ST3GAL3: variants seen among roughly 807,000 people sequenced by gnomAD.
ST3GAL3 encodes the protein ST3 beta-galactoside alpha-2,3-sialyltransferase 3.
In ST3GAL3, 21 loss-of-function variants were observed where a neutral mutation model predicts 50.1. The observed-to-expected ratio is 0.42, with a 90% CI of 0.30 to 0.60. The LOEUF (loss-of-function observed/expected upper bound fraction) is 0.60, where lower values mean the gene tolerates loss of function less well. ST3GAL3 is among the 20% of genes least tolerant of loss of function. The pLI, the probability that ST3GAL3 is intolerant of heterozygous loss-of-function variation, is 0.19. For synonymous variants in ST3GAL3, 183 were observed against 190.0 expected, an observed-to-expected ratio of 0.96 and a Z score of 0.30; for missense variants, 353 against 489.4, an observed-to-expected ratio of 0.72 and a Z score of 2.63.
In ST3GAL3 at chr1:43,894,491, C is replaced by G; in HGVS notation, c.397+14C>G. 2 of 1,611,034 alleles carry G rather than the reference C, an allele frequency of 1.2e-6. No individual in the cohort carries two copies. Among genetic ancestry groups the G allele is most frequent in the Non-Finnish European group, 1.7e-6 (2 of 1,177,262 alleles). On this transcript the variant is annotated intron_variant, in intron 6 of 11. Coordinates refer to ENST00000347631, the MANE Select transcript of ST3GAL3 (RefSeq NM_006279.5). ...TCAAAGGTCAAGGTATGTTGGGAACCCTGACCTACATTAACATCTCATCCC... is the reference window on the plus strand; with the variant it reads ...TCAAAGGTCAAGGTATGTTGGGAACGCTGACCTACATTAACATCTCATCCC...
intron 1 of ST3GAL3, among the ~76,000 whole-genome samples, chr1:43,728,447 G>C (rs373523869): frequency 6.6e-6 from 1 of 152,306 alleles, no homozygotes; most frequent in East Asian, 1.9e-4. Context: ...CAGAGCTAAA[G>C]AGTTATATGT....
chr1:43,809,412 A>C (rs1163238407), intron 3 of ST3GAL3, among the ~76,000 whole-genome samples: 3 of 152,224 alleles, frequency 2.0e-5, no homozygotes, highest in African/African-American at 7.2e-5. Context: ...AAAATGAAAC[A>C]GAGTGAGGGC....
intron 3 of ST3GAL3, among the ~76,000 whole-genome samples, chr1:43,802,843 C>T (rs1245951542): frequency 6.6e-6 from 1 of 152,160 alleles, no homozygotes; most frequent in Non-Finnish European, 1.5e-5. Flanking sequence ...AAATGTTATT[C>T]CATGCAATAG....
intron 1 of ST3GAL3, among the ~76,000 whole-genome samples, chr1:43,732,905 T>G (rs925887598): frequency 6.6e-6 from 1 of 152,186 alleles, no homozygotes; most frequent in African/African-American, 2.4e-5. Flanking sequence ...CAATTTACAT[T>G]TCTACAATGT....
chr1:43,843,160 A>G (rs2065689717), intron 5 of ST3GAL3, among the ~76,000 whole-genome samples: 4 of 152,224 alleles, frequency 2.6e-5, no homozygotes, highest in Admixed American at 2.0e-4. Context: ...GCCTGTTCCC[A>G]GTCTTAGGAG....
At chr1:43,850,888 G>T in intron 5 of ST3GAL3, 1 of 1,254,618 alleles carries the variant, frequency 8.0e-7, no homozygotes, top group Non-Finnish European at 1.2e-6. Context: ...AGAGACTCCA[G>T]GTTGTACAGA....
At chr1:43,904,012 A>AT (rs950807269) in intron 9 of ST3GAL3, among the ~76,000 whole-genome samples, 1 of 152,118 alleles carries the variant, frequency 6.6e-6, no homozygotes, top group East Asian at 1.9e-4. Context: ...ATGTTATTTT[A>AT]TTTTTTTATC....
intron 5 of ST3GAL3, among the ~76,000 whole-genome samples, chr1:43,845,725 A>G (rs1285291326): frequency 6.6e-6 from 1 of 151,380 alleles, no homozygotes; most frequent in African/African-American, 2.4e-5. Flanking sequence ...TCCTTAGGCT[A>G]GAAGGTTAGA....
At chr1:43,835,525 C>T (rs748084742) in intron 4 of ST3GAL3, among the ~76,000 whole-genome samples, 29 of 152,108 alleles carry the variant, frequency 1.9e-4, no homozygotes, top group Non-Finnish European at 3.5e-4. Flanking sequence ...CTTCCACTGC[C>T]ATGGAGAGAG....
At chr1:43,892,699 CAT>C (rs2154265791) in intron 5 of ST3GAL3, among the ~76,000 whole-genome samples, 1 of 152,164 alleles carries the variant, frequency 6.6e-6, no homozygotes, top group Admixed American at 6.5e-5. Context: ...AGATCTTAGG[CAT>C]ATTTTATTAG....
chr1:43,732,318 T>C (rs1377363144), intron 1 of ST3GAL3, among the ~76,000 whole-genome samples: 1 of 152,220 alleles, frequency 6.6e-6, no homozygotes, highest in African/African-American at 2.4e-5. Flanking sequence ...TGAGGGCCAA[T>C]GTTGGGAGGA....
At chr1:43,840,777 C>A (rs964847811) in intron 5 of ST3GAL3, 1 of 152,170 alleles carries the variant, frequency 6.6e-6, no homozygotes, top group African/African-American at 2.4e-5. Context: ...AAAGAACCTA[C>A]GTGATTATCA....
intron 5 of ST3GAL3, among the ~76,000 whole-genome samples, chr1:43,869,532 G>A (rs1309436963): frequency 6.6e-6 from 1 of 152,162 alleles, no homozygotes; most frequent in East Asian, 1.9e-4. Context: ...AGAAGGAGAA[G>A]CATCTCCCCA....
At chr1:43,751,166 A>C (rs1483999201) in intron 2 of ST3GAL3, among the ~76,000 whole-genome samples, 1 of 152,198 alleles carries the variant, frequency 6.6e-6, no homozygotes, top group Non-Finnish European at 1.5e-5. Context: ...AAGAAATACA[A>C]AGTATAAAAG....
intron 5 of ST3GAL3, chr1:43,858,241 A>T: frequency 7.8e-7 from 1 of 1,289,232 alleles, no homozygotes; most frequent in Non-Finnish European, 1.0e-6. Context: ...CTTCAGCTGG[A>T]GGAGTGATGA....
At chr1:43,741,349 A>C (rs889264213) in intron 2 of ST3GAL3, among the ~76,000 whole-genome samples, 1 of 152,230 alleles carries the variant, frequency 6.6e-6, no homozygotes, top group Admixed American at 6.5e-5. Flanking sequence ...AAATGTTTTA[A>C]AAATTAAATT....
intron 5 of ST3GAL3, chr1:43,851,168 C>T (rs771721467): frequency 5.4e-5 from 74 of 1,366,440 alleles, no homozygotes; most frequent in Non-Finnish European, 7.4e-5. Flanking sequence ...GTGGAAGAGG[C>T]GGGTGTTCTC....
chr1:43,793,671 CAGAA>C (rs1294273721), intron 3 of ST3GAL3, among the ~76,000 whole-genome samples: 2 of 152,168 alleles, frequency 1.3e-5, no homozygotes, highest in Non-Finnish European at 2.9e-5. Context: ...AGTGGACAGA[CAGAA>C]AGAGTTCTTA....
chr1:43,763,962 A>G (rs142008955), intron 2 of ST3GAL3, among the ~76,000 whole-genome samples: 23 of 152,204 alleles, frequency 1.5e-4, no homozygotes, highest in Admixed American at 1.2e-3. Flanking sequence ...AATCCACCCC[A>G]CCTAACGTTG....
Sources: allele counts gnomAD v4.1 joint callset (sites outside exome capture counted in the v4.1 genomes callset), GRCh38; gene constraint gnomAD v4.1.1; transcripts MANE v1.5; gene names NCBI Gene and HGNC (gene_info 2026-07-23, HGNC 2026-07-21).